The following SLC67A2 variants were observed in gnomAD, a reference collection of about 807,000 sequenced individuals.
SLC67A2 encodes solute carrier family 67 member 2, also known as solute carrier family 67 member A2.
chr2:102,734,347 A>G, the SLC67A2 span, among the ~76,000 whole-genome samples: 1 of 152,210 alleles, frequency 6.6e-6, no homozygotes, highest in African/African-American at 2.4e-5. Context: ...TCTCATCACC[A>G]TCTAAGCATC....
At chr2:102,723,144 TA>T in the SLC67A2 span, among the ~76,000 whole-genome samples, 1 of 152,188 alleles carries the variant, frequency 6.6e-6, no homozygotes, top group Non-Finnish European at 1.5e-5. Context: ...GACATATTTT[TA>T]AAAGATAAGT....
chr2:102,720,919 G>A, the SLC67A2 span, among the ~76,000 whole-genome samples: 8 of 152,214 alleles, frequency 5.3e-5, no homozygotes, highest in African/African-American at 1.9e-4. Context: ...ATGATGATAT[G>A]TTCACTGCAC....
the SLC67A2 span, chr2:102,732,214 C>T: frequency 1.0e-6 from 1 of 972,990 alleles, no homozygotes; most frequent in East Asian, 2.4e-5. Context: ...TCTCATTTCC[C>T]ACTTACCTTT....
chr2:102,722,807 A>T, the SLC67A2 span, among the ~76,000 whole-genome samples: 1 of 152,232 alleles, frequency 6.6e-6, no homozygotes, highest in Non-Finnish European at 1.5e-5. Context: ...AGCAATGGAA[A>T]CAAATCAGCA....
At chr2:102,718,312 A>C in the SLC67A2 span, 2 of 1,370,496 alleles carry the variant, frequency 1.5e-6, no homozygotes, top group South Asian at 2.7e-5. Context: ...ACCCACCCGG[A>C]AATATTTCCC....
chr2:102,727,095 G>T, the SLC67A2 span: 3 of 1,062,988 alleles, frequency 2.8e-6, no homozygotes, highest in Non-Finnish European at 3.9e-6. Flanking sequence ...ATCCTCAGAT[G>T]CTCAGTTCCA....
At chr2:102,734,261 C>G in the SLC67A2 span, among the ~76,000 whole-genome samples, 2 of 152,132 alleles carry the variant, frequency 1.3e-5, no homozygotes, top group African/African-American at 4.8e-5. Flanking sequence ...AATGAATTAT[C>G]ACCTGAATAA....
chr2:102,722,342 G>C, the SLC67A2 span, among the ~76,000 whole-genome samples: 1 of 152,172 alleles, frequency 6.6e-6, no homozygotes, highest in Non-Finnish European at 1.5e-5. Context: ...AGCCAGCATG[G>C]CCAGAATGTA....
chr2:102,716,796 A>G, the SLC67A2 span: 5 of 152,362 alleles, frequency 3.3e-5, no homozygotes, highest in South Asian at 8.3e-4. Flanking sequence ...GTGAACTTCA[A>G]CTGTCTGACA....
chr2:102,719,445 C>T, the SLC67A2 span, among the ~76,000 whole-genome samples: 2 of 152,180 alleles, frequency 1.3e-5, no homozygotes, highest in South Asian at 2.1e-4. Context: ...CTACAAAATA[C>T]TCACTGCTTC....
chr2:102,735,965 A>T, the SLC67A2 span, among the ~76,000 whole-genome samples: 1 of 152,152 alleles, frequency 6.6e-6, no homozygotes, highest in Non-Finnish European at 1.5e-5. Flanking sequence ...ATTCAAGTCA[A>T]CCGAGAGCTC....
chr2:102,725,761 C>A, the SLC67A2 span, among the ~76,000 whole-genome samples: 2 of 152,146 alleles, frequency 1.3e-5, no homozygotes, highest in African/African-American at 4.8e-5. Context: ...AGTATATATT[C>A]CACAGAAATG....
chr2:102,722,417 T>C, the SLC67A2 span, among the ~76,000 whole-genome samples: 1 of 152,252 alleles, frequency 6.6e-6, no homozygotes, highest in South Asian at 2.1e-4. Flanking sequence ...CTGTGAGGCA[T>C]GTGCATTACC....
chr2:102,723,903 A>C, the SLC67A2 span: 3 of 1,613,764 alleles, frequency 1.9e-6, no homozygotes, highest in East Asian at 2.2e-5. Context: ...AGTGTGTTTA[A>C]AAATACCTGC....
the SLC67A2 span, among the ~76,000 whole-genome samples, chr2:102,724,444 C>T: frequency 3.9e-5 from 6 of 152,130 alleles, no homozygotes; most frequent in African/African-American, 1.4e-4. Context: ...GGATTTCCTA[C>T]CAGTAAGAGG....
chr2:102,730,991 T>A, the SLC67A2 span: 1 of 1,603,048 alleles, frequency 6.2e-7, no homozygotes, highest in Non-Finnish European at 8.5e-7. Context: ...TTTTACTACA[T>A]CTGTGATGGA....
At chr2:102,718,334 C>T in the SLC67A2 span, 1 of 1,508,206 alleles carries the variant, frequency 6.6e-7, no homozygotes, top group Non-Finnish European at 9.0e-7. Context: ...TCCACCCCAA[C>T]CCTTTCCAAA....
the SLC67A2 span, among the ~76,000 whole-genome samples, chr2:102,728,227 CT>C: frequency 6.6e-6 from 1 of 152,196 alleles, no homozygotes; most frequent in East Asian, 1.9e-4. Context: ...GTCCCCCATG[CT>C]GTGTGAAACC....
the SLC67A2 span, chr2:102,718,996 G>A: frequency 1.2e-6 from 2 of 1,614,082 alleles, no homozygotes; most frequent in Admixed American, 1.7e-5. Context: ...CCCACATTTC[G>A]GAAAACAGCA....
Sources: gnomAD v4.1 joint callset for allele counts (sites outside exome capture counted in the v4.1 genomes callset) on GRCh38, gnomAD v4.1.1 for gene constraint, MANE v1.5 for transcripts, NCBI Gene and HGNC (gene_info 2026-07-23, HGNC 2026-07-21) for gene names.